Variants in EGF observed in about 807,000 individuals in gnomAD.
The protein encoded by EGF is pro-epidermal growth factor.
In EGF, 95 loss-of-function variants were observed where a neutral mutation model predicts 143.8. That is an observed-to-expected ratio of 0.66 (90% CI 0.56 to 0.78). EGF has a LOEUF of 0.78. EGF is among the 30% of genes least tolerant of loss of function. The pLI is 0.00. For synonymous variants in EGF, 510 were observed against 510.5 expected (o/e 1.00, Z 0.01); for missense variants, 1,320 against 1,470.9 (o/e 0.90, Z 1.68).
chr4:109,961,022 G>A lies in EGF; in HGVS notation c.1189+33G>A, dbSNP rs766684307. 5.0e-6 allele frequency: 8 copies of A among 1,612,144 alleles called. No individual in the cohort carries two copies. In the South Asian group the frequency reaches 6.6e-5, roughly 13 times the overall value. ...ATAGCAACAAGTATTTATTGCATTA[G>A]TTTTCTTCATTTTCAATATGTTTCT... On this transcript the variant is annotated intron_variant, in intron 7 of 23. Coordinates refer to ENST00000265171, the MANE Select transcript of EGF (RefSeq NM_001963.6).
intron 1 of EGF, among the ~76,000 whole-genome samples, chr4:109,921,166 G>A (rs527245084): frequency 6.6e-6 from 1 of 151,732 alleles, no homozygotes; most frequent in East Asian, 1.9e-4. Flanking sequence ...AATAATGCTT[G>A]TCAATATGTC....
At chr4:109,999,294 C>T (rs759759431) in intron 20 of EGF, among the ~76,000 whole-genome samples, 1 of 152,190 alleles carries the variant, frequency 6.6e-6, no homozygotes, top group Non-Finnish European at 1.5e-5. Context: ...CACCTATACT[C>T]ATTGCAATCT....
chr4:109,977,263 A>T (rs1748643542), intron 13 of EGF: 1 of 152,194 alleles, frequency 6.6e-6, no homozygotes, highest in Non-Finnish European at 1.5e-5. Flanking sequence ...GGAAGAAGCT[A>T]ACCAACTAAT....
chr4:110,002,023 C>T, intron 21 of EGF: 2 of 985,376 alleles, frequency 2.0e-6, no homozygotes, highest in Non-Finnish European at 2.4e-6. Flanking sequence ...CTAAATGTTG[C>T]CATGTCATAC....
intron 1 of EGF, among the ~76,000 whole-genome samples, chr4:109,915,267 C>T (rs1425099628): frequency 6.6e-6 from 1 of 152,138 alleles, no homozygotes; most frequent in Non-Finnish European, 1.5e-5. Context: ...AGCTGAGTTA[C>T]TTTAGAGTAT....
Position 109,962,748 on chromosome 4 carries a change from G to T in EGF, c.1313-425G>T, listed in dbSNP as rs191160763. On this transcript the variant is annotated intron_variant, in intron 8 of 23. Transcript: ENST00000265171. ...AAAATAACCTTGATTGCAGCCATAT[G>T]AATGATTGTGGAAATGTTTTAAAAA... Among the ~76,000 whole-genome samples, 524 of 152,222 alleles carry T rather than the reference G, an allele frequency of 3.4e-3. 3 individuals are homozygous for T. The highest frequency in any genetic ancestry group is 5.0e-3 in the Non-Finnish European group (338 of 67,998).
At chr4:109,952,221 GATATT>G (rs1269469605) in intron 5 of EGF, among the ~76,000 whole-genome samples, 4 of 152,120 alleles carry the variant, frequency 2.6e-5, no homozygotes, top group Non-Finnish European at 1.5e-5. Context: ...ATTGCTCATA[GATATT>G]ATGTTGTAAA....
At chr4:109,935,974 A>G (rs1740712892) in intron 1 of EGF, among the ~76,000 whole-genome samples, 2 of 152,056 alleles carry the variant, frequency 1.3e-5, no homozygotes, top group Non-Finnish European at 2.9e-5. Context: ...TTTTCATGTC[A>G]ATGTTCATCA....
At position 110,004,510 on chromosome 4, in the gene EGF, A is replaced by C. The variant is rs1752998106; in HGVS notation, c.3179A>C (p.Gln1060Pro). Reference sequence around the variant, plus strand: ...AAATTTTGGCTTTATCACAGGACTCAGAAGCTGCTATCGAAAAACCCAAAG... The same window carrying C: ...AAATTTTGGCTTTATCACAGGACTCCGAAGCTGCTATCGAAAAACCCAAAG... Reference protein sequence around the residue: ...SLWGAHYYRTQKLLSKNPKNP... With the variant: ...SLWGAHYYRTPKLLSKNPKNP... The change falls in exon 22 of 24, where the codon CAG (glutamine) becomes CCG (proline). Residue 1060 changes from glutamine to proline, a missense_variant. Around this residue, in one of 5 missense-constraint regions of EGF, gnomAD observed 1,186 missense variants for 1,313.7 expected, o/e 0.90. Transcript: ENST00000265171. 1 of 1,613,952 alleles carries C rather than the reference A, an allele frequency of 6.2e-7. No homozygotes were observed. Among genetic ancestry groups the C allele is most frequent in the Admixed American group, 1.7e-5 (1 of 59,990 alleles).
At position 109,969,105 on chromosome 4, in the gene EGF, T is replaced by C. The variant is rs201420775; in HGVS notation, c.1710T>C (p.Tyr570=). Residue 570 remains tyrosine, a synonymous_variant, in exon 11 of 24, where the codon TAT becomes TAC. Coordinates refer to ENST00000265171, the MANE Select transcript of EGF (RefSeq NM_001963.6). ...TGGACTGGATTGGCCGTAGATTCTA[T>C]TGGACAGACAGAGGGTATGTTTTCT... The part of the protein sequence containing the change: ...LAVDWIGRRF[Y]WTDRGKSLIG... The C allele has an allele frequency of 4.0e-5, 65 of 1,614,066 alleles. No homozygotes were observed. In the East Asian group the frequency reaches 1.2e-3, roughly 30 times the overall value.
At chr4:110,005,807 G>C (rs1753202478) in intron 22 of EGF, among the ~76,000 whole-genome samples, 1 of 152,210 alleles carries the variant, frequency 6.6e-6, no homozygotes, top group Non-Finnish European at 1.5e-5. Flanking sequence ...GTCCATGGAG[G>C]ATTGAATCCT....
chr4:109,939,707 A>T (rs974107384), intron 1 of EGF, among the ~76,000 whole-genome samples: 1 of 152,036 alleles, frequency 6.6e-6, no homozygotes, highest in Non-Finnish European at 1.5e-5. Flanking sequence ...AATTCAACGT[A>T]CTCTCCAAAG....
Position 109,963,218 on chromosome 4 carries a change from C to T in EGF, c.1358C>T (p.Pro453Leu). 1.9e-6 allele frequency: 3 copies of T among 1,613,928 alleles called. No individual in the cohort carries two copies. The highest frequency in any genetic ancestry group is 2.5e-6 in the Non-Finnish European group (3 of 1,179,930). Residue 453 changes from proline (P) to leucine (L), a missense_variant, in exon 9 of 24, where the codon CCT becomes CTT. By Grantham distance (98) the Pro-to-Leu change is moderately conservative (BLOSUM62 -3). Coordinates refer to ENST00000265171, the MANE Select transcript of EGF (RefSeq NM_001963.6). ...DNGGCSQLCV[P>L]LSPVSWECDC... Reference sequence around the variant, plus strand: ...GGTGGATGTAGCCAGCTCTGCGTTCCTCTTAGCCCAGTATCCTGGGAATGT... The same window carrying T: ...GGTGGATGTAGCCAGCTCTGCGTTCTTCTTAGCCCAGTATCCTGGGAATGT...
Position 109,974,047 on chromosome 4 carries a change from CTT to C in EGF, c.1725-655_1725-654del, listed in dbSNP as rs1475810841. Among the ~76,000 whole-genome samples the C allele has an allele frequency of 8.5e-5, 13 of 152,168 alleles. No individual in the cohort carries two copies. In the Middle Eastern group the frequency reaches 0.01, roughly 119 times the overall value. On this transcript the variant is annotated intron_variant, in intron 11 of 23. Coordinates refer to ENST00000265171, the MANE Select transcript of EGF (RefSeq NM_001963.6). Reference sequence around the variant, plus strand: ...AAATAATACAAATAAAAACCAATAACTTATAACTGTATTTACATAGCATTTAC... The same window carrying C: ...AAATAATACAAATAAAAACCAATAACATAACTGTATTTACATAGCATTTAC...
rs760581670 is a variant in EGF, at chr4:110,011,315, G to A, written c.3484G>A (p.Glu1162Lys). The A allele has an allele frequency of 6.2e-7, 1 of 1,613,998 alleles. No homozygotes were observed. Among genetic ancestry groups the A allele is most frequent in the Admixed American group, 1.7e-5 (1 of 59,988 alleles). Residue 1162 changes from glutamate to lysine, a missense_variant, in exon 24 of 24, where the codon GAG becomes AAG. Physicochemically the swap from Glu to Lys is moderately conservative, Grantham distance 56. Transcript: ENST00000265171. Reference protein sequence around the residue: ...SDKGSCPQVMERSFHMPSYGT... With the variant: ...SDKGSCPQVMKRSFHMPSYGT... ...TAAGGGCTCCTGTCCCCAGGTAATG[G>A]AGCGAAGCTTTCATATGCCCTCCTA...
At chr4:109,945,900 T>C (rs1305826433) in intron 5 of EGF, among the ~76,000 whole-genome samples, 1 of 152,202 alleles carries the variant, frequency 6.6e-6, no homozygotes, top group African/African-American at 2.4e-5. Context: ...TGGTTAACTT[T>C]TGTTATTCTT....
chr4:109,993,776 T>C (rs1751375152), intron 19 of EGF, among the ~76,000 whole-genome samples: 1 of 152,164 alleles, frequency 6.6e-6, no homozygotes, highest in African/African-American at 2.4e-5. Flanking sequence ...AGGCAGTATT[T>C]CTTGTTCTGA....
intron 15 of EGF, among the ~76,000 whole-genome samples, chr4:109,982,496 T>A (rs1285632196): frequency 1.3e-5 from 2 of 151,734 alleles, no homozygotes; most frequent in Non-Finnish European, 2.9e-5. Context: ...CCCAGCTGAT[T>A]TTTGTATTTT....
At chr4:109,935,798 A>G (rs1015514779) in intron 1 of EGF, among the ~76,000 whole-genome samples, 4 of 152,184 alleles carry the variant, frequency 2.6e-5, no homozygotes, top group African/African-American at 9.7e-5. Flanking sequence ...ATCTATTGAG[A>G]TAATCGTGTG....
Sources: allele counts gnomAD v4.1 joint callset (sites outside exome capture counted in the v4.1 genomes callset), GRCh38; gene constraint gnomAD v4.1.1; regional missense constraint gnomAD v4.1.1; transcripts MANE v1.5; gene names NCBI Gene and HGNC (gene_info 2026-07-23, HGNC 2026-07-21).